The following PRKAR1B variants were observed in gnomAD, a reference collection of about 807,000 sequenced individuals.
PRKAR1B encodes protein kinase cAMP-dependent type I regulatory subunit beta, also known as cAMP-dependent protein kinase type I-beta regulatory subunit.
In PRKAR1B, 22 loss-of-function variants were observed where a neutral mutation model predicts 46.5. The observed-to-expected ratio is 0.47, with a 90% CI of 0.34 to 0.68. The LOEUF is 0.68. PRKAR1B is among the 30% of genes least tolerant of loss of function. The probability of loss-of-function intolerance (pLI) is 0.01; values close to 1 mark genes in which losing one functional copy is unlikely to be tolerated. For missense variants in PRKAR1B, 445 were observed against 535.6 expected (o/e 0.83, Z 1.67); for synonymous variants, 259 against 217.7 (o/e 1.19, Z -1.67).
chr7:604,251 G>A (rs1781857677), intron 6 of PRKAR1B, among the ~76,000 whole-genome samples: 1 of 152,240 alleles, frequency 6.6e-6, no homozygotes, highest in African/African-American at 2.4e-5. Flanking sequence ...TCCTGGGCTA[G>A]GCTTTTTTTA....
intron 9 of PRKAR1B, among the ~76,000 whole-genome samples, chr7:556,015 G>A (rs1318177842): frequency 2.0e-5 from 3 of 152,174 alleles, no homozygotes; most frequent in African/African-American, 7.2e-5. Context: ...CCAGCAGTGC[G>A]GCCCCTCCGG....
chr7:572,819 T>C (rs1583224783), intron 9 of PRKAR1B, among the ~76,000 whole-genome samples: 1 of 152,230 alleles, frequency 6.6e-6, no homozygotes, highest in African/African-American at 2.4e-5. Flanking sequence ...ACAGGGCATC[T>C]GCGACCCACC....
At chr7:655,182 T>C (rs1197831430) in intron 4 of PRKAR1B, among the ~76,000 whole-genome samples, 1 of 152,208 alleles carries the variant, frequency 6.6e-6, no homozygotes, top group African/African-American at 2.4e-5. Context: ...AGAGCCGACA[T>C]GCTATGCCTT....
intron 5 of PRKAR1B, among the ~76,000 whole-genome samples, chr7:606,776 G>GT (rs1368290308): frequency 6.6e-6 from 1 of 151,122 alleles, no homozygotes; most frequent in Non-Finnish European, 1.5e-5. Flanking sequence ...GCGTGTGTGT[G>GT]TGTGTGTGTG....
chr7:654,477 A>G (rs1189295807), intron 4 of PRKAR1B, among the ~76,000 whole-genome samples: 1 of 147,454 alleles, frequency 6.8e-6, no homozygotes, highest in East Asian at 2.1e-4. Context: ...TCACCAAATC[A>G]CCATCTTCAT....
At chr7:664,381 A>C (rs1785787671) in intron 4 of PRKAR1B, among the ~76,000 whole-genome samples, 1 of 151,812 alleles carries the variant, frequency 6.6e-6, no homozygotes, top group Non-Finnish European at 1.5e-5. Flanking sequence ...CTGCCCTGGC[A>C]CCCTCCATCT....
chr7:574,334 C>T (rs1225440756), intron 9 of PRKAR1B, among the ~76,000 whole-genome samples: 2 of 152,272 alleles, frequency 1.3e-5, no homozygotes, highest in African/African-American at 2.4e-5. Context: ...GCTGGGAAGC[C>T]TTTCACACCA....
chr7:640,762 T>TCAAACACACACA (rs1784345753), intron 4 of PRKAR1B, among the ~76,000 whole-genome samples: 2 of 111,660 alleles, frequency 1.8e-5, no homozygotes, highest in Admixed American at 1.0e-4. Flanking sequence ...AAACTCTGTC[T>TCAAACACACACA]CAAACACACA....
At chr7:620,830 T>C (rs1583313443) in intron 4 of PRKAR1B, among the ~76,000 whole-genome samples, 1 of 152,340 alleles carries the variant, frequency 6.6e-6, no homozygotes, top group East Asian at 1.9e-4. Context: ...AGTTAAACCA[T>C]GAAAGCCATC....
At chr7:574,004 G>A (rs563819701) in intron 9 of PRKAR1B, among the ~76,000 whole-genome samples, 3 of 152,356 alleles carry the variant, frequency 2.0e-5, no homozygotes, top group East Asian at 1.9e-4. Context: ...CTCAGAACAC[G>A]CCGCGCGACT....
intron 6 of PRKAR1B, among the ~76,000 whole-genome samples, chr7:605,543 A>G (rs1288943903): frequency 6.6e-6 from 1 of 152,212 alleles, no homozygotes; most frequent in Non-Finnish European, 1.5e-5. Context: ...TTATACATAT[A>G]TGTATCTATT....
At chr7:689,990 G>C (rs777959869) in intron 2 of PRKAR1B, among the ~76,000 whole-genome samples, 32 of 146,034 alleles carry the variant, frequency 2.2e-4, no homozygotes, top group Non-Finnish European at 4.2e-4. Flanking sequence ...CGAGAACACA[G>C]TTTTTAAAGA....
intron 2 of PRKAR1B, among the ~76,000 whole-genome samples, chr7:692,562 G>T (rs77125796): frequency 0.033 from 5,082 of 152,260 alleles, 316 homozygotes; most frequent in African/African-American, 0.12. Context: ...GAGTCGGCAG[G>T]AACCTGAAGC....
chr7:605,431 C>A (rs893694735), intron 6 of PRKAR1B, among the ~76,000 whole-genome samples: 1 of 152,220 alleles, frequency 6.6e-6, no homozygotes, highest in Non-Finnish European at 1.5e-5. Context: ...AGGCTCTAAA[C>A]CGGACGGCAG....
intron 9 of PRKAR1B, among the ~76,000 whole-genome samples, chr7:563,171 G>C (rs574634182): frequency 8.5e-5 from 13 of 152,212 alleles, no homozygotes; most frequent in South Asian, 2.1e-4. Context: ...GGCAGGTGCA[G>C]GTGGGCAGGC....
chr7:711,886 C>T (rs1166175645), intron 1 of PRKAR1B, among the ~76,000 whole-genome samples: 6 of 151,224 alleles, frequency 4.0e-5, no homozygotes, highest in African/African-American at 1.5e-4. Flanking sequence ...GGTTCCAGGG[C>T]CTCGTCCTCC....
At chr7:708,493 A>T (rs1396072320) in intron 2 of PRKAR1B, among the ~76,000 whole-genome samples, 3 of 152,200 alleles carry the variant, frequency 2.0e-5, no homozygotes, top group African/African-American at 2.4e-5. Flanking sequence ...TTTTTAAAAA[A>T]TTTATTTATT....
chr7:601,024 C>T (rs143222553), intron 6 of PRKAR1B, among the ~76,000 whole-genome samples: 5,230 of 152,282 alleles, frequency 0.034, 285 homozygotes, highest in African/African-American at 0.12. Context: ...TCCCCCTGGA[C>T]GCTGCTGGTC....
chr7:715,897 A>G (rs910962664), intron 1 of PRKAR1B, among the ~76,000 whole-genome samples: 1 of 151,750 alleles, frequency 6.6e-6, no homozygotes, highest in Admixed American at 6.6e-5. Context: ...TTGTATTTTT[A>G]GTAGAGATGG....
Sources: allele counts gnomAD v4.1 joint callset (sites outside exome capture counted in the v4.1 genomes callset), GRCh38; gene constraint gnomAD v4.1.1; transcripts MANE v1.5; gene names NCBI Gene and HGNC (gene_info 2026-07-23, HGNC 2026-07-21).